EPHB2: variants seen among roughly 807,000 people sequenced by gnomAD.
EPHB2 encodes EPH receptor B2, also known as ephrin type-B receptor 2.
Under a neutral mutation model 96.4 loss-of-function variants are expected in EPHB2, and 18 were observed. That is an observed-to-expected ratio of 0.19 (90% confidence interval 0.13 to 0.28). The LOEUF is 0.28. Ranked by LOEUF, EPHB2 falls within the 10% of genes least tolerant of loss-of-function variation. The pLI is 1.00. For synonymous variants in EPHB2, 506 were observed against 534.1 expected, an observed-to-expected ratio of 0.95 and a Z score of 0.72; for missense variants, 989 against 1,355.4, an observed-to-expected ratio of 0.73 and a Z score of 4.25.
chr1:22,911,798 G>A (rs966336693), intron 14 of EPHB2, among the ~76,000 whole-genome samples: 17 of 152,110 alleles, frequency 1.1e-4, no homozygotes, highest in African/African-American at 3.6e-4. Context: ...TTATGAGTGG[G>A]AGATCATCAT....
chr1:22,783,815 C>A (rs1314005316), intron 2 of EPHB2, among the ~76,000 whole-genome samples: 1 of 152,110 alleles, frequency 6.6e-6, no homozygotes, highest in Non-Finnish European at 1.5e-5. Flanking sequence ...CTCCAGGTAC[C>A]CAAGAGGAAA....
At chr1:22,901,782 C>T (rs573140462) in intron 9 of EPHB2, among the ~76,000 whole-genome samples, 1 of 150,884 alleles carries the variant, frequency 6.6e-6, no homozygotes, top group East Asian at 2.0e-4. Flanking sequence ...CATTTATTAG[C>T]TGTTTTGATG....
intron 1 of EPHB2, among the ~76,000 whole-genome samples, chr1:22,727,789 A>C (rs1003656566): frequency 1.8e-4 from 26 of 146,934 alleles, no homozygotes; most frequent in African/African-American, 6.3e-4. Context: ...TCTTTAAAAA[A>C]AAAAAACAAA....
At chr1:22,780,750 C>T (rs1331589177) in intron 1 of EPHB2, among the ~76,000 whole-genome samples, 1 of 152,130 alleles carries the variant, frequency 6.6e-6, no homozygotes, top group Non-Finnish European at 1.5e-5. Flanking sequence ...GGATGTAAGA[C>T]CCTCCTCGTC....
intron 3 of EPHB2, among the ~76,000 whole-genome samples, chr1:22,797,203 C>T (rs1393621151): frequency 3.3e-5 from 5 of 152,138 alleles, no homozygotes; most frequent in East Asian, 1.9e-4. Context: ...TGCTGACTCC[C>T]GTTCCTAGGG....
rs764750310 is a variant in EPHB2 at position 22,913,910 on chromosome 1, G to C, written c.*340G>C. On this transcript the variant is annotated 3_prime_UTR_variant, in exon 16 of 16. Transcript: ENST00000374630. This position sits in a 1 kb window ranked among gnomAD's most constrained non-coding sequence, Gnocchi z 4.1. ...GATTCATGCGATGTGTCCAATCGGA[G>C]ACAAAAGCAGTTTCTCTCCAACTCC... The C allele has an allele frequency of 6.6e-7, 1 of 1,522,820 alleles. No individual in the cohort carries two copies. The highest frequency in any genetic ancestry group is 1.3e-5 in the South Asian group (1 of 75,424). 94.3% of individuals were successfully genotyped at this position (1,522,820 alleles called of 1,614,324 possible).
In EPHB2 at chr1:22,913,892, G is replaced by C; in HGVS notation, c.*322G>C. Reference sequence around the variant, plus strand: ...ATAAAAAAGGGCTTGGGAGATTCATGCGATGTGTCCAATCGGAGACAAAAG... The same window carrying C: ...ATAAAAAAGGGCTTGGGAGATTCATCCGATGTGTCCAATCGGAGACAAAAG... On this transcript the variant is annotated 3_prime_UTR_variant, in exon 16 of 16. Transcript: ENST00000374630. The surrounding 1 kb of genome is among the most constrained non-coding windows in gnomAD (Gnocchi z 4.1). 1 of 1,574,256 alleles carries C rather than the reference G, an allele frequency of 6.4e-7. No homozygotes were observed. The highest frequency in any genetic ancestry group is 8.6e-7 in the Non-Finnish European group (1 of 1,162,142).
chr1:22,737,299 A>C (rs998493857), intron 1 of EPHB2, among the ~76,000 whole-genome samples: 1 of 152,066 alleles, frequency 6.6e-6, no homozygotes, highest in Non-Finnish European at 1.5e-5. Context: ...CTGAGACCAC[A>C]TTACCCTCCT....
intron 2 of EPHB2, among the ~76,000 whole-genome samples, chr1:22,782,807 C>T (rs759851441): frequency 9.2e-5 from 14 of 152,288 alleles, no homozygotes; most frequent in Non-Finnish European, 1.5e-4. Flanking sequence ...ATGTAGGGAG[C>T]TTCAGAGTCG....
rs114474045 is a variant in EPHB2 at position 22,744,816 on chromosome 1, G to A, written c.61+33773G>A. ...TGCAGTGAGCTATGATCATGCCACA[G>A]CACTACAGACTGGGTGACAGAGTGA... On this transcript the variant is annotated intron_variant, in intron 1 of 15. Transcript: ENST00000374630. Among the ~76,000 whole-genome samples, 772 of 151,886 alleles carry A rather than the reference G, an allele frequency of 5.1e-3. 8 individuals carry two copies. Among genetic ancestry groups the A allele is most frequent in the African/African-American group, 0.018 (739 of 41,394 alleles).
chr1:22,715,255 A>G (rs544354885), intron 1 of EPHB2, among the ~76,000 whole-genome samples: 42 of 152,352 alleles, frequency 2.8e-4, no homozygotes, highest in African/African-American at 9.4e-4. Flanking sequence ...GGAGGGAGAT[A>G]CCAAGGGGAT....
rs1640010919 is a variant in EPHB2 at position 22,909,157 on chromosome 1, A to C, written c.2488A>C (p.Met830Leu). 6.2e-7 allele frequency: 1 copy of C among 1,614,238 alleles called. No homozygotes were observed. The highest frequency in any genetic ancestry group is 1.7e-5 in the Admixed American group (1 of 60,032). Residue 830 changes from methionine to leucine, a missense_variant, in exon 13 of 16, where the codon ATG becomes CTG. Physicochemically the swap from Met to Leu is conservative, Grantham distance 15. Coordinates refer to ENST00000374630, the MANE Select transcript of EPHB2 (RefSeq NM_017449.5). ...CTATGGGGAGCGGCCCTACTGGGAC[A>C]TGACCAACCAGGATGTAAGTCTCCA... ...MSYGERPYWD[M>L]TNQDVINAIE...
At chr1:22,759,168 G>C (rs961212430) in intron 1 of EPHB2, among the ~76,000 whole-genome samples, 1 of 152,006 alleles carries the variant, frequency 6.6e-6, no homozygotes, top group African/African-American at 2.4e-5. Flanking sequence ...TTCCCAGCTC[G>C]CTTCCTCACC....
chr1:22,888,650 G>A (rs557115906), intron 6 of EPHB2, among the ~76,000 whole-genome samples: 1 of 152,248 alleles, frequency 6.6e-6, no homozygotes, highest in African/African-American at 2.4e-5. Flanking sequence ...TTCAGATAAA[G>A]GTACCCCAGG....
chr1:22,776,412 T>A (rs572938014), intron 1 of EPHB2, among the ~76,000 whole-genome samples: 1 of 152,340 alleles, frequency 6.6e-6, no homozygotes, highest in South Asian at 2.1e-4. Context: ...CTCATTGTGA[T>A]CTTAGCCACA....
chr1:22,820,954 G>A (rs1309838140), intron 3 of EPHB2, among the ~76,000 whole-genome samples: 1 of 152,202 alleles, frequency 6.6e-6, no homozygotes. Context: ...TTTGGATTAT[G>A]AGTAACAGAA....
intron 5 of EPHB2, among the ~76,000 whole-genome samples, chr1:22,871,844 C>T (rs557106696): frequency 1.3e-5 from 2 of 152,030 alleles, no homozygotes; most frequent in Non-Finnish European, 2.9e-5. Context: ...GGTGAAACCC[C>T]ATCTCTACTA....
At chr1:22,740,806 C>T (rs1415764913) in intron 1 of EPHB2, among the ~76,000 whole-genome samples, 1 of 152,166 alleles carries the variant, frequency 6.6e-6, no homozygotes, top group Non-Finnish European at 1.5e-5. Context: ...CCGGCCCCTC[C>T]CTGCTTCCTG....
Position 22,738,990 on chromosome 1 carries a change from T to G in EPHB2, c.61+27947T>G, listed in dbSNP as rs540045387. Among the ~76,000 whole-genome samples, 13 of 152,338 alleles carry G rather than the reference T, an allele frequency of 8.5e-5. No individual in the cohort carries two copies. The South Asian group carries it at 2.7e-3, about 32-fold the overall frequency. ...TCTCACCTGGCACAGTGAAGCATGCTCAGGGTTGCTTTTGTAAATCTAATA... is the reference window on the plus strand; with the variant it reads ...TCTCACCTGGCACAGTGAAGCATGCGCAGGGTTGCTTTTGTAAATCTAATA... On this transcript the variant is annotated intron_variant, in intron 1 of 15. Transcript: ENST00000374630.
Sources: gnomAD v4.1 joint callset for allele counts (sites outside exome capture counted in the v4.1 genomes callset) on GRCh38, gnomAD v4.1.1 for gene constraint, Gnocchi (gnomAD v3.1) non-coding constraint, MANE v1.5 for transcripts, NCBI Gene and HGNC (gene_info 2026-07-23, HGNC 2026-07-21) for gene names.